The following FBN3 variants were observed in gnomAD, a reference collection of about 807,000 sequenced individuals.
The protein encoded by FBN3 is fibrillin 3.
In FBN3, 234 loss-of-function variants were observed where a neutral mutation model predicts 330.1. That is an observed-to-expected ratio of 0.71 (90% CI 0.64 to 0.79). The LOEUF (loss-of-function observed/expected upper bound fraction) is 0.79, where lower values mean the gene tolerates loss of function less well. FBN3 is among the 30% of genes least tolerant of loss of function. The pLI is 0.00. For missense variants in FBN3, 3,606 were observed against 3,886.9 expected, an observed-to-expected ratio of 0.93 and a Z score of 1.92; for synonymous variants, 1,458 against 1,517.3, an observed-to-expected ratio of 0.96 and a Z score of 0.91.
rs149719957 is a variant in FBN3 at position 8,132,982 on chromosome 19, A to T, written c.1714+2T>A. 12 of 1,553,048 alleles carry T rather than the reference A, an allele frequency of 7.7e-6. No homozygotes were observed. The highest frequency in any genetic ancestry group is 1.0e-5 in the Non-Finnish European group (12 of 1,152,978). On this transcript the variant is annotated splice_donor_variant, in intron 14 of 63. Coordinates refer to ENST00000600128, the MANE Select transcript of FBN3 (RefSeq NM_032447.5). LOFTEE classifies it high-confidence loss of function. ...CGCTGGCCAGTCTGGCTCCAGGCTCACCCATGCAGTAGTGGCCGCCAGGCG... is the reference window on the plus strand; with the variant it reads ...CGCTGGCCAGTCTGGCTCCAGGCTCTCCCATGCAGTAGTGGCCGCCAGGCG...
rs1308573970 is a variant in FBN3, at chr19:8,096,903, C to T, written c.5391G>A (p.Leu1797=). The T allele has an allele frequency of 8.1e-6, 13 of 1,613,562 alleles. No homozygotes were observed. Among genetic ancestry groups the T allele is most frequent in the Non-Finnish European group, 1.0e-5 (12 of 1,180,038 alleles). The change falls in exon 43 of 64, where the codon CTG becomes CTA. Residue 1797 remains leucine (L), a synonymous_variant. Coordinates refer to ENST00000600128, the MANE Select transcript of FBN3 (RefSeq NM_032447.5). The surrounding 1 kb of genome is among the most constrained non-coding windows in gnomAD (Gnocchi z 4.6). ...YRCKCTRGYK[L]SPGGACVGRN... The stretch of plus-strand genomic sequence containing the variant: ...CACCCACACAAGCCCCGCCTGGCGA[C>T]AGTTTGTACCCTCGGGTGCACTTGC...
Position 8,085,367 on chromosome 19 carries a change from G to A in FBN3, c.7083C>T (p.Gly2361=). The change falls in exon 56 of 64, where the codon GGC becomes GGT. Residue 2361 remains glycine (G), a synonymous_variant. Coordinates refer to ENST00000600128, the MANE Select transcript of FBN3 (RefSeq NM_032447.5). ...CPHGSGYTAE[G]RDVDECRMLA... ...CCTGAGGGCATGGGCACCCACCTCG[G>A]CCCTCAGCAGTGTAGCCTGAGCCAT... The A allele has an allele frequency of 2.5e-6, 4 of 1,570,426 alleles. No homozygotes were observed. Among genetic ancestry groups the A allele is most frequent in the Non-Finnish European group, 3.4e-6 (4 of 1,162,012 alleles).
At chr19:8,073,005 G>GTGTGAA in intron 62 of FBN3, 58 bp downstream of exon 62, 1 of 1,044,996 alleles carries the variant, frequency 9.6e-7, no homozygotes, top group Non-Finnish European at 1.5e-6. Flanking sequence ...GTGTGTGTGC[G>GTGTGAA]TGCGTGCATG....
chr19:8,111,534 G>T, intron 32 of FBN3, 114 bp downstream of exon 32: 1 of 1,197,462 alleles, frequency 8.4e-7, no homozygotes, highest in Non-Finnish European at 1.2e-6. Flanking sequence ...CACCCACAGA[G>T]CGGCGATTGA....
intron 61 of FBN3, 188 bp downstream of exon 61, chr19:8,074,883 T>G: frequency 1.5e-6 from 1 of 678,394 alleles, no homozygotes; most frequent in Non-Finnish European, 2.3e-6. Flanking sequence ...ACTCAGACAC[T>G]TTTTGATGCT....
chr19:8,072,289 G>A (rs1345957161), intron 62 of FBN3, 91 bp from the exon 63 acceptor site: 3 of 1,355,206 alleles, frequency 2.2e-6, no homozygotes, highest in East Asian at 2.4e-5. Context: ...TCCGTTCTGA[G>A]TCATGCTGCA....
Position 8,116,757 on chromosome 19 carries a change from C to T in FBN3, c.3629G>A (p.Gly1210Asp), listed in dbSNP as rs2082714812. The T allele has an allele frequency of 1.2e-6, 2 of 1,614,040 alleles. No individual in the cohort carries two copies. Among genetic ancestry groups the T allele is most frequent in the Non-Finnish European group, 1.7e-6 (2 of 1,179,962 alleles). ...CEENPRVCDQ[G>D]HCTNMPGGHR... Reference sequence around the variant, plus strand: ...ACCCCCTGGCATGTTGGTGCAGTGGCCTTGGTCACAAACGCGGGGGTTCTC... The same window carrying T: ...ACCCCCTGGCATGTTGGTGCAGTGGTCTTGGTCACAAACGCGGGGGTTCTC... The change falls in exon 29 of 64, where the codon GGC becomes GAC. Residue 1210 changes from glycine to aspartate, a missense_variant. Gly to Asp is a moderately conservative substitution (Grantham distance 94). Transcript: ENST00000600128.
In FBN3 at chr19:8,106,167, C is replaced by T. The variant is rs753015190; in HGVS notation, c.4754G>A (p.Ser1585Asn). Residue 1585 changes from serine to asparagine, a missense_variant, in exon 38 of 64, where the codon AGT (serine) becomes AAT (asparagine). Physicochemically the swap from Ser to Asn is conservative, Grantham distance 46. Coordinates refer to ENST00000600128, the MANE Select transcript of FBN3 (RefSeq NM_032447.5). ...GCCAGGTGGGCACTCACACTGGAAA[C>T]TGCCAAACGTGTTGACGCAGTCACC... ...QGGDCVNTFG[S>N]FQCECPPGYH... is the part of the protein sequence containing the mutation. The T allele has an allele frequency of 2.2e-5, 36 of 1,614,100 alleles. No homozygotes were observed. Among genetic ancestry groups the T allele is most frequent in the Non-Finnish European group, 3.1e-5 (36 of 1,180,030 alleles).
Position 8,111,965 on chromosome 19 carries a change from C to T in FBN3, c.3961+12G>A. On this transcript the variant is annotated intron_variant, in intron 31 of 63. Coordinates refer to ENST00000600128, the MANE Select transcript of FBN3 (RefSeq NM_032447.5). Reference sequence around the variant, plus strand: ...ACTGCTTTGCCCCCACTCCCTGCCCCCAGGTACTCACCGTGACATTCGAAG... The same window carrying T: ...ACTGCTTTGCCCCCACTCCCTGCCCTCAGGTACTCACCGTGACATTCGAAG... The T allele has an allele frequency of 6.4e-7, 1 of 1,566,902 alleles. No individual in the cohort carries two copies. Among genetic ancestry groups the T allele is most frequent in the Non-Finnish European group, 8.7e-7 (1 of 1,151,206 alleles).
intron 16 of FBN3, among the ~76,000 whole-genome samples, chr19:8,130,548 AAGAG>A (rs148416096): frequency 1.2e-4 from 8 of 68,742 alleles, no homozygotes; most frequent in Non-Finnish European, 1.8e-4. Flanking sequence ...AAGAGAAAGA[AAGAG>A]AGAGAGAGAG....
At chr19:8,066,756 G>A (rs1051903011) in intron 63 of FBN3, among the ~76,000 whole-genome samples, 3 of 152,160 alleles carry the variant, frequency 2.0e-5, no homozygotes, top group African/African-American at 4.8e-5. Context: ...GCGGGCGCCT[G>A]TAGTCCCAGC....
chr19:8,141,734 C>T lies in FBN3; in HGVS notation c.848G>A (p.Ser283Asn), dbSNP rs1216613297. The change falls in exon 8 of 64, where the codon AGC becomes AAC. Residue 283 changes from serine (S) to asparagine (N), a missense_variant. Coordinates refer to ENST00000600128, the MANE Select transcript of FBN3 (RefSeq NM_032447.5). ...TCACCCACCTTCACATGCGGCGCTGCTGTCACTGAGCCGGTGTCCAACTGG... is the reference window on the plus strand; with the variant it reads ...TCACCCACCTTCACATGCGGCGCTGTTGTCACTGAGCCGGTGTCCAACTGG... ...RCPVGHRLSD[S>N]SAACEDYRAG... The T allele has an allele frequency of 6.2e-7, 1 of 1,613,948 alleles. No individual in the cohort carries two copies. The highest frequency in any genetic ancestry group is 1.7e-5 in the Admixed American group (1 of 59,976).
chr19:8,131,249 G>A lies in FBN3; in HGVS notation c.2030C>T (p.Thr677Ile). The A allele has an allele frequency of 6.2e-7, 1 of 1,610,932 alleles. No homozygotes were observed. Among genetic ancestry groups the A allele is most frequent in the South Asian group, 1.1e-5 (1 of 89,748 alleles). Residue 677 changes from threonine (T) to isoleucine (I), a missense_variant, in exon 16 of 64, where the codon ACC becomes ATC. Physicochemically the swap from Thr to Ile is moderately conservative, Grantham distance 89 (BLOSUM62 -1). Coordinates refer to ENST00000600128, the MANE Select transcript of FBN3 (RefSeq NM_032447.5). The surrounding 1 kb of genome is among the most constrained non-coding windows in gnomAD (Gnocchi z 4.5). ...GCTCCACTTACCTCGACCATCCGTG[G>A]TAATGCCAAGCCCACTGCTGCACAG... ...QALCSSGLGI[T>I]TDGRDINECA...
At chr19:8,119,132 C>T in intron 25 of FBN3, 110 bp from the exon 26 acceptor site, 1 of 1,303,856 alleles carries the variant, frequency 7.7e-7, no homozygotes, top group Admixed American at 2.4e-5. Flanking sequence ...CCCTTCACCC[C>T]AGCGGGAGCC....
In FBN3 at chr19:8,111,725, C is replaced by A. The variant is rs760271806; in HGVS notation, c.4007G>T (p.Gly1336Val). The change falls in exon 32 of 64, where the codon GGT becomes GTT. Residue 1336 changes from glycine to valine, a missense_variant. By Grantham distance (109) the Gly-to-Val change is moderately radical. Transcript: ENST00000600128. ...GGAGCCAGGGACATTGAGACAGTCA[C>A]CTCTTGGGCTGCACCGGTGCTCCTG... ...VSQEHRCSPR[G>V]DCLNVPGSYR... is the part of the protein sequence containing the mutation. 12 of 1,612,372 alleles carry A rather than the reference C, an allele frequency of 7.4e-6. No individual in the cohort carries two copies. Among genetic ancestry groups the A allele is most frequent in the Non-Finnish European group, 1.0e-5 (12 of 1,178,986 alleles).
intron 40 of FBN3, among the ~76,000 whole-genome samples, chr19:8,102,318 G>A (rs1025646781): frequency 2.0e-5 from 3 of 151,816 alleles, no homozygotes; most frequent in Non-Finnish European, 2.9e-5. Flanking sequence ...GGGTTCAAGC[G>A]ATTCTCTTGC....
intron 25 of FBN3, among the ~76,000 whole-genome samples, chr19:8,119,813 CTTTTTTTTT>C (rs869084219): frequency 4.1e-5 from 2 of 48,824 alleles, no homozygotes; most frequent in South Asian, 1.1e-3. Flanking sequence ...CGAGCCCAGC[CTTTTTTTTT>C]TTTTTTTTTT....
chr19:8,103,735 A>T lies in FBN3; in HGVS notation c.4814-48T>A, dbSNP rs1022946442. 4 of 1,590,550 alleles carry T rather than the reference A, an allele frequency of 2.5e-6. No individual in the cohort carries two copies. In the African/African-American group the frequency reaches 5.4e-5, roughly 21 times the overall value. ...GGGGAACAGTGGGCAGCGTCCAGGA[A>T]TTGTCTGAATAACTCCACTCCAGAG... is the stretch of plus-strand genomic sequence containing the variant. On this transcript the variant is annotated intron_variant, in intron 38 of 63. Transcript: ENST00000600128.
intron 47 of FBN3, among the ~76,000 whole-genome samples, chr19:8,091,802 G>C (rs543016119): frequency 6.6e-6 from 1 of 152,324 alleles, no homozygotes; most frequent in East Asian, 1.9e-4. Flanking sequence ...CAGAGTAAAG[G>C]TCATGGTCAG....
Sources: allele counts gnomAD v4.1 joint callset (sites outside exome capture counted in the v4.1 genomes callset), GRCh38; gene constraint gnomAD v4.1.1; non-coding constraint Gnocchi (gnomAD v3.1); transcripts MANE v1.5; gene names NCBI Gene and HGNC (gene_info 2026-07-23, HGNC 2026-07-21).